The following KPNB1 variants were observed in gnomAD, a reference collection of about 807,000 sequenced individuals.
The protein encoded by KPNB1 is importin subunit beta-1.
KPNB1 carries 7 observed loss-of-function variants against 113.0 expected under a neutral mutation model. That is an observed-to-expected ratio of 0.06 (90% CI 0.04 to 0.12). The LOEUF is 0.12. Among genes scored for constraint, KPNB1 ranks in the 10% least tolerant of loss-of-function variants. KPNB1 has a pLI of 1.00. For missense variants in KPNB1, 400 were observed against 1,054.8 expected, an observed-to-expected ratio of 0.38 and a Z score of 8.60; for synonymous variants, 363 against 378.6, an observed-to-expected ratio of 0.96 and a Z score of 0.48.
chr17:47,674,488 T>G, intron 14 of KPNB1, 150 bp from the exon 15 acceptor site: 1 of 689,514 alleles, frequency 1.5e-6, no homozygotes, highest in South Asian at 1.9e-5. Context: ...TGATGATTGG[T>G]ACTGTCAATG....
At position 47,683,114 on chromosome 17, in the gene KPNB1, A is replaced by AAAAAAAAC. The variant is rs2030839352; in HGVS notation, c.*715_*716insAACAAAAA. On this transcript the variant is annotated 3_prime_UTR_variant, in exon 22 of 22. Coordinates refer to ENST00000290158, the MANE Select transcript of KPNB1 (RefSeq NM_002265.6). ...GTAAAAAAAAAAAAAAAAAAAAAAA[A>AAAAAAAAC]AAAAACACACACACAGAGGAAAGAC... 6.8e-6 allele frequency: 1 copy of AAAAAAAAC among 147,684 alleles called. No individual in the cohort carries two copies. The highest frequency in any genetic ancestry group is 2.5e-5 in the African/African-American group (1 of 40,406). The allele number at this position is 147,684 out of a possible 1,614,324, so 9.1% of individuals were successfully genotyped here. A position where few individuals can be genotyped will look rare whatever the true frequency, so the allele number is the denominator to read the frequency against.
intron 15 of KPNB1, among the ~76,000 whole-genome samples, chr17:47,675,386 T>TTTTTTTTTTTTTTTTTTTTTTTA (rs2030584518): frequency 1.0e-5 from 1 of 96,590 alleles, no homozygotes; most frequent in Non-Finnish European, 2.1e-5. Flanking sequence ...TTTTTTTTTG[T>TTTTTTTTTTTTTTTTTTTTTTTA]TTGTTTTTTT....
chr17:47,678,534 G>A, intron 19 of KPNB1, 121 bp downstream of exon 19: 1 of 701,502 alleles, frequency 1.4e-6, no homozygotes, highest in South Asian at 1.6e-5. Flanking sequence ...AAGGCTGGGA[G>A]AAGGGGGAGC....
Position 47,661,232 on chromosome 17 carries a change from A to G in KPNB1, c.696+54A>G. ...TCTTACATCTTTCTTAGGAAATGTC[A>G]AATCTAATATAAGTTTGAAATACTG... On this transcript the variant is annotated intron_variant, in intron 6 of 21. Coordinates refer to ENST00000290158, the MANE Select transcript of KPNB1 (RefSeq NM_002265.6). 3 of 1,292,410 alleles carry G rather than the reference A, an allele frequency of 2.3e-6. 1 individual carries two copies. In the South Asian group the frequency reaches 3.5e-5, roughly 15 times the overall value. The allele number at this position is 1,292,410 out of a possible 1,614,324, so 80.1% of individuals were successfully genotyped here.
At chr17:47,650,568 T>TCCCGTCCCCCTCCCCCC in intron 2 of KPNB1, 124 bp downstream of exon 2, 2 of 401,554 alleles carry the variant, frequency 5.0e-6, no homozygotes, top group Non-Finnish European at 8.5e-6. Context: ...CCCTCCCCCC[T>TCCCGTCCCCCTCCCCCC]CCCCCTCCCC....
intron 5 of KPNB1, among the ~76,000 whole-genome samples, chr17:47,659,359 AAAT>A (rs1043707836): frequency 6.6e-6 from 1 of 152,082 alleles, no homozygotes; most frequent in African/African-American, 2.4e-5. Context: ...AAAAAATAAA[AAAT>A]AAAAAAAATA....
intron 10 of KPNB1, among the ~76,000 whole-genome samples, chr17:47,669,218 C>T (rs759843510): frequency 6.6e-6 from 1 of 152,080 alleles, no homozygotes; most frequent in Non-Finnish European, 1.5e-5. Context: ...AAGCAATTCT[C>T]GTGCCTCAGC....
At chr17:47,672,122 C>G (rs1597935411) in intron 12 of KPNB1, among the ~76,000 whole-genome samples, 1 of 151,664 alleles carries the variant, frequency 6.6e-6, no homozygotes, top group East Asian at 1.9e-4. Context: ...TCTCGTACTT[C>G]AGCCTCCCGA....
intron 16 of KPNB1, 143 bp downstream of exon 16, chr17:47,676,634 C>T (rs763429560): frequency 5.3e-5 from 34 of 637,894 alleles, no homozygotes; most frequent in Admixed American, 8.0e-5. Flanking sequence ...ATTGCCTGAA[C>T]GTTTGAACTG....
In KPNB1 at chr17:47,650,045, G is replaced by A. The variant is rs1597918739; in HGVS notation, c.-200G>A. On this transcript the variant is annotated 5_prime_UTR_variant, in exon 1 of 22. Coordinates refer to ENST00000290158, the MANE Select transcript of KPNB1 (RefSeq NM_002265.6). ...CCGCCGCCAGCAGCCCATTTGGAGGGAGGAAGTAAGGGAAGAGGAGAGGAA... is the reference window on the plus strand; with the variant it reads ...CCGCCGCCAGCAGCCCATTTGGAGGAAGGAAGTAAGGGAAGAGGAGAGGAA... The A allele has an allele frequency of 3.7e-6, 5 of 1,364,660 alleles. No individual in the cohort carries two copies. The highest frequency in any genetic ancestry group is 1.8e-5 in the South Asian group (1 of 55,382). The allele number at this position is 1,364,660 out of a possible 1,614,324, so 84.5% of individuals were successfully genotyped here.
In KPNB1 at chr17:47,666,543, ATATTATATAT is replaced by A. The variant is rs202006476; in HGVS notation, c.999+1389_999+1398del. Among the ~76,000 whole-genome samples the A allele has an allele frequency of 9.1e-4, 97 of 106,992 alleles. No individual in the cohort carries two copies. The East Asian group carries it at 9.5e-3, about 10-fold the overall frequency. 70.2% of individuals were successfully genotyped at this position (106,992 alleles called of 152,430 possible). ...TTATATGTATTATGTTATATATTAT[ATATTATATAT>A]TATGTTATATGTTATATATTTTATA... is the stretch of plus-strand genomic sequence containing the variant. On this transcript the variant is annotated intron_variant, in intron 9 of 21. Transcript: ENST00000290158.
intron 9 of KPNB1, among the ~76,000 whole-genome samples, chr17:47,665,781 A>C (rs1313541179): frequency 1.3e-5 from 2 of 152,192 alleles, no homozygotes; most frequent in East Asian, 3.8e-4. Context: ...TCCTGACTTG[A>C]TGCAACACAG....
chr17:47,658,519 G>T lies in KPNB1; in HGVS notation c.495G>T (p.Gln165His). The change falls in exon 5 of 22, where the codon CAG becomes CAT. Residue 165 changes from glutamine to histidine, a missense_variant. Gln to His is a conservative substitution (Grantham distance 24). Around this residue, in one of 2 missense-constraint regions of KPNB1, gnomAD observed 285 missense variants for 627.0 expected, o/e 0.45. Coordinates refer to ENST00000290158, the MANE Select transcript of KPNB1 (RefSeq NM_002265.6). The part of the protein sequence containing the change: ...GYICQDIDPE[Q>H]LQDKSNEILT... Reference sequence around the variant, plus strand: ...TCTGCTTGTTACAGGACCCAGAGCAGCTACAAGATAAATCCAATGAGATTC... The same window carrying T: ...TCTGCTTGTTACAGGACCCAGAGCATCTACAAGATAAATCCAATGAGATTC... 8.7e-6 allele frequency: 14 copies of T among 1,612,966 alleles called. No individual in the cohort carries two copies. Among genetic ancestry groups the T allele is most frequent in the Non-Finnish European group, 1.2e-5 (14 of 1,180,006 alleles).
chr17:47,671,281 T>A (rs1423923817), intron 12 of KPNB1, among the ~76,000 whole-genome samples: 1 of 152,104 alleles, frequency 6.6e-6, no homozygotes. Flanking sequence ...CATGATTGAT[T>A]GATTGGTTTG....
intron 12 of KPNB1, among the ~76,000 whole-genome samples, chr17:47,671,350 C>T (rs1347330969): frequency 6.6e-6 from 1 of 152,156 alleles, no homozygotes; most frequent in African/African-American, 2.4e-5. Flanking sequence ...CAGTTTACAG[C>T]TGAAATCTGA....
In KPNB1 at chr17:47,683,105, A is replaced by AC. The variant is rs1246013989; in HGVS notation, c.*701_*702insC. On this transcript the variant is annotated 3_prime_UTR_variant, in exon 22 of 22. Coordinates refer to ENST00000290158, the MANE Select transcript of KPNB1 (RefSeq NM_002265.6). ...ACAAGAGATGTAAAAAAAAAAAAAAAAAAAAAAAAAAAAACACACACACAG... is the reference window on the plus strand; with the variant it reads ...ACAAGAGATGTAAAAAAAAAAAAAAACAAAAAAAAAAAAAACACACACACAG... 26 of 147,294 alleles carry AC rather than the reference A, an allele frequency of 1.8e-4. 1 individual carries two copies. The South Asian group carries it at 5.4e-3, about 30-fold the overall frequency. 9.1% of individuals were successfully genotyped at this position (147,294 alleles called of 1,614,324 possible). A position where few individuals can be genotyped will look rare whatever the true frequency, so the allele number is the denominator to read the frequency against.
chr17:47,678,029 C>G lies in KPNB1; in HGVS notation c.2104-17C>G. 6.2e-7 allele frequency: 1 copy of G among 1,606,696 alleles called. No individual in the cohort carries two copies. On this transcript the variant is annotated splice_polypyrimidine_tract_variant and intron_variant, in intron 17 of 21. Coordinates refer to ENST00000290158, the MANE Select transcript of KPNB1 (RefSeq NM_002265.6). Reference sequence around the variant, plus strand: ...CAAGTTTTGACTTAATTCACTTTTCCTTTTGTTCCTTGTCAGAATGAGAAC... The same window carrying G: ...CAAGTTTTGACTTAATTCACTTTTCGTTTTGTTCCTTGTCAGAATGAGAAC...
chr17:47,678,350 A>G lies in KPNB1; in HGVS notation c.2290A>G (p.Ser764Gly). Reference sequence around the variant, plus strand: ...GGATTATCTGAATGAGCTAAGGGAAAGCTGCTTGGAAGCCTATACTGGAAT... The same window carrying G: ...GGATTATCTGAATGAGCTAAGGGAAGGCTGCTTGGAAGCCTATACTGGAAT... ...MVDYLNELRE[S>G]CLEAYTGIVQ... Residue 764 changes from serine (S) to glycine (G), a missense_variant, in exon 19 of 22, where the codon AGC (serine) becomes GGC (glycine). Ser to Gly is a moderately conservative substitution (Grantham distance 56). This residue lies in a region of KPNB1 where 115 missense variants were observed against 427.9 expected (regional missense o/e 0.27). Coordinates refer to ENST00000290158, the MANE Select transcript of KPNB1 (RefSeq NM_002265.6). The G allele has an allele frequency of 6.2e-7, 1 of 1,614,206 alleles. No homozygotes were observed. Among genetic ancestry groups the G allele is most frequent in the Non-Finnish European group, 8.5e-7 (1 of 1,180,024 alleles).
At chr17:47,672,428 C>T (rs188817113) in intron 12 of KPNB1, among the ~76,000 whole-genome samples, 62 of 151,448 alleles carry the variant, frequency 4.1e-4, no homozygotes, top group African/African-American at 1.0e-3. Context: ...GACGGAGTTT[C>T]GGTCTTGTTG....
Sources: gnomAD v4.1 joint callset for allele counts (sites outside exome capture counted in the v4.1 genomes callset) on GRCh38, gnomAD v4.1.1 for gene constraint, gnomAD v4.1.1 regional missense constraint, MANE v1.5 for transcripts, NCBI Gene and HGNC (gene_info 2026-07-23, HGNC 2026-07-21) for gene names.